Variants in SCHIP1 observed in about 807,000 individuals in gnomAD.
The protein encoded by SCHIP1 is schwannomin interacting protein 1, also known as schwannomin-interacting protein 1.
SCHIP1 carries 8 observed loss-of-function variants against 29.7 expected under a neutral mutation model. The observed-to-expected ratio is 0.27, with a 90% CI of 0.16 to 0.49. SCHIP1 has a LOEUF of 0.49. SCHIP1 is among the 20% of genes least tolerant of loss of function. SCHIP1 has a pLI of 0.99. For synonymous variants in SCHIP1, 76 were observed against 94.9 expected, an observed-to-expected ratio of 0.80 and a Z score of 1.16; for missense variants, 193 against 294.6, an observed-to-expected ratio of 0.66 and a Z score of 2.52.
At chr3:159,362,774 C>T in the SCHIP1 span, among the ~76,000 whole-genome samples, 2 of 152,150 alleles carry the variant, frequency 1.3e-5, no homozygotes, top group Non-Finnish European at 2.9e-5. Context: ...GACCTTTGTG[C>T]TTTATCCCCA....
the SCHIP1 span, among the ~76,000 whole-genome samples, chr3:159,550,967 A>G: frequency 6.6e-6 from 1 of 151,980 alleles, no homozygotes; most frequent in African/African-American, 2.4e-5. Context: ...TTTATTCTCA[A>G]TGAGATCTTT....
chr3:159,723,879 T>C, the SCHIP1 span, among the ~76,000 whole-genome samples: 1 of 152,236 alleles, frequency 6.6e-6, no homozygotes, highest in Non-Finnish European at 1.5e-5. Flanking sequence ...ACCAAAACAC[T>C]GTGATAAAGC....
At chr3:159,750,474 A>G in the SCHIP1 span, among the ~76,000 whole-genome samples, 1 of 151,932 alleles carries the variant, frequency 6.6e-6, no homozygotes, top group Non-Finnish European at 1.5e-5. Context: ...AGATCCTGAG[A>G]TGGGGATTTG....
chr3:159,433,104 T>C, the SCHIP1 span, among the ~76,000 whole-genome samples: 4 of 152,290 alleles, frequency 2.6e-5, no homozygotes, highest in African/African-American at 9.6e-5. Context: ...AAGGAATTAA[T>C]GAGGCTCATT....
chr3:159,372,313 T>C, the SCHIP1 span, among the ~76,000 whole-genome samples: 4 of 152,106 alleles, frequency 2.6e-5, no homozygotes, highest in Admixed American at 6.6e-5. Context: ...ATAAAGACCT[T>C]CAATTTCAAA....
the SCHIP1 span, among the ~76,000 whole-genome samples, chr3:159,407,138 C>T: frequency 6.6e-6 from 1 of 151,984 alleles, no homozygotes; most frequent in African/African-American, 2.4e-5. Flanking sequence ...CTCTCTGTTG[C>T]CTACAAGAAA....
At chr3:159,638,903 A>G in the SCHIP1 span, among the ~76,000 whole-genome samples, 3 of 152,110 alleles carry the variant, frequency 2.0e-5, no homozygotes, top group Non-Finnish European at 4.4e-5. Context: ...TTAAAAATAG[A>G]TGTTGAAGTT....
chr3:159,295,649 T>G, the SCHIP1 span, among the ~76,000 whole-genome samples: 3 of 152,160 alleles, frequency 2.0e-5, no homozygotes, highest in Admixed American at 6.5e-5. Flanking sequence ...GTCCCATCTC[T>G]CAGGCTCTGA....
chr3:159,626,923 T>C, the SCHIP1 span, among the ~76,000 whole-genome samples: 8 of 152,164 alleles, frequency 5.3e-5, no homozygotes, highest in Non-Finnish European at 1.2e-4. Flanking sequence ...GTGCAGGTTT[T>C]TTACATAGCT....
the SCHIP1 span, among the ~76,000 whole-genome samples, chr3:159,413,558 C>T: frequency 2.0e-5 from 3 of 152,114 alleles, no homozygotes; most frequent in African/African-American, 4.8e-5. Flanking sequence ...GTGGTAAACA[C>T]AACAAATTCT....
chr3:159,709,410 T>G, the SCHIP1 span, among the ~76,000 whole-genome samples: 55 of 152,248 alleles, frequency 3.6e-4, no homozygotes, highest in African/African-American at 1.3e-3. Context: ...CAATAGCATG[T>G]GAATTATAAT....
At chr3:159,672,397 C>T in the SCHIP1 span, among the ~76,000 whole-genome samples, 2 of 152,232 alleles carry the variant, frequency 1.3e-5, no homozygotes, top group Non-Finnish European at 2.9e-5. Context: ...AAGGCAGTCT[C>T]TTCACATGGG....
the SCHIP1 span, among the ~76,000 whole-genome samples, chr3:159,707,392 GA>G: frequency 1.3e-5 from 2 of 152,132 alleles, no homozygotes; most frequent in African/African-American, 4.8e-5. Context: ...CGCAAAATTA[GA>G]AAAATATATA....
the SCHIP1 span, among the ~76,000 whole-genome samples, chr3:159,537,585 C>T: frequency 1.1e-4 from 16 of 152,090 alleles, no homozygotes; most frequent in Admixed American, 4.6e-4. Flanking sequence ...CTGTACCCCA[C>T]CTTGCCTGAG....
chr3:159,565,246 C>T, the SCHIP1 span, among the ~76,000 whole-genome samples: 1 of 152,142 alleles, frequency 6.6e-6, no homozygotes, highest in African/African-American at 2.4e-5. Flanking sequence ...CTCATTAACC[C>T]CATCTAGTGA....
At chr3:159,509,265 C>G in the SCHIP1 span, among the ~76,000 whole-genome samples, 10 of 151,982 alleles carry the variant, frequency 6.6e-5, no homozygotes, top group East Asian at 5.8e-4. Flanking sequence ...TTTAAAGTCC[C>G]TTTTATCAGA....
intron 1 of SCHIP1, among the ~76,000 whole-genome samples, chr3:159,841,849 G>C (rs1210546028): frequency 1.3e-5 from 2 of 152,086 alleles, no homozygotes; most frequent in African/African-American, 2.4e-5. Context: ...GTATTGGTTG[G>C]GTAATAATGG....
chr3:159,665,704 G>C, the SCHIP1 span, among the ~76,000 whole-genome samples: 1 of 152,154 alleles, frequency 6.6e-6, no homozygotes. Flanking sequence ...GCACCCCAAA[G>C]TGAGGTCCTG....
chr3:159,319,401 A>G, the SCHIP1 span, among the ~76,000 whole-genome samples: 1 of 152,204 alleles, frequency 6.6e-6, no homozygotes, highest in East Asian at 1.9e-4. Context: ...TTGAAAAGAG[A>G]GAGCTCATTA....
Sources: allele counts gnomAD v4.1 joint callset (sites outside exome capture counted in the v4.1 genomes callset), GRCh38; gene constraint gnomAD v4.1.1; transcripts MANE v1.5; gene names NCBI Gene and HGNC (gene_info 2026-07-23, HGNC 2026-07-21).